CDCA2: variants seen among roughly 807,000 people sequenced by gnomAD.
CDCA2 encodes the protein cell division cycle associated 2, also known as cell division cycle-associated protein 2.
A neutral mutation model predicts 67.0 loss-of-function variants in CDCA2; 44 were observed. The ratio of observed to expected loss-of-function variants is 0.66; its 90% CI spans 0.52 to 0.84. The LOEUF (loss-of-function observed/expected upper bound fraction) is 0.84. Among genes scored for constraint, CDCA2 ranks in the 40% least tolerant of loss-of-function variants. The probability of loss-of-function intolerance (pLI) is 0.00; values close to 1 mark genes in which losing one functional copy is unlikely to be tolerated. For synonymous variants in CDCA2, 447 were observed against 418.7 expected (o/e 1.07, Z -0.82); for missense variants, 1,253 against 1,203.2 (o/e 1.04, Z -0.61).
At chr8:25,473,532 G>A (rs776674622) in intron 7 of CDCA2, among the ~76,000 whole-genome samples, 1 of 152,066 alleles carries the variant, frequency 6.6e-6, no homozygotes, top group African/African-American at 2.4e-5. Context: ...TCCAGGAGAG[G>A]GGCTGCATCT....
At chr8:25,461,054 G>T (rs531581505) in intron 3 of CDCA2, among the ~76,000 whole-genome samples, 156 of 152,150 alleles carry the variant, frequency 1.0e-3, no homozygotes, top group Non-Finnish European at 1.6e-3. Flanking sequence ...GATCACCGGA[G>T]GTCAGGAGTT....
chr8:25,497,842 G>A (rs757484697), intron 13 of CDCA2, among the ~76,000 whole-genome samples: 5 of 152,040 alleles, frequency 3.3e-5, no homozygotes, highest in Non-Finnish European at 5.9e-5. Flanking sequence ...TTATACAATT[G>A]TATTCAAATT....
chr8:25,474,132 C>T (rs1362096231), intron 7 of CDCA2, among the ~76,000 whole-genome samples: 1 of 152,100 alleles, frequency 6.6e-6, no homozygotes, highest in African/African-American at 2.4e-5. Flanking sequence ...CCTTGAATCC[C>T]AGGGATAAAT....
At chr8:25,460,150 A>G in intron 1 of CDCA2, 90 bp from the exon 2 acceptor site, 2 of 1,250,240 alleles carry the variant, frequency 1.6e-6, no homozygotes, top group Non-Finnish European at 2.4e-6. Context: ...TATGGACTGT[A>G]TTACAATTCA....
In CDCA2 at chr8:25,507,706, A is replaced by G. The variant is rs1307235762; in HGVS notation, c.3040A>G (p.Arg1014Gly). The change falls in exon 15 of 15, where the codon AGG (arginine) becomes GGG (glycine). Residue 1014 changes from arginine (R) to glycine (G), a missense_variant. Arg to Gly is a moderately radical substitution (Grantham distance 125). Transcript: ENST00000330560. ...KGESSLTALE[R>G]IEHNGERKQ is the part of the protein sequence containing the mutation. Reference sequence around the variant, plus strand: ...AGAGAGCTCTCTGACTGCCTTGGAAAGGATTGAACATAATGGAGAAAGAAA... The same window carrying G: ...AGAGAGCTCTCTGACTGCCTTGGAAGGGATTGAACATAATGGAGAAAGAAA... The G allele has an allele frequency of 1.1e-5, 18 of 1,612,766 alleles. No individual in the cohort carries two copies. Among genetic ancestry groups the G allele is most frequent in the African/African-American group, 2.7e-5 (2 of 74,832 alleles).
chr8:25,505,306 A>G (rs919628610), intron 14 of CDCA2, among the ~76,000 whole-genome samples: 12 of 152,124 alleles, frequency 7.9e-5, no homozygotes, highest in African/African-American at 2.2e-4. Flanking sequence ...GGTACCAGCA[A>G]TTCTCCTGCT....
At chr8:25,501,624 G>A (rs1250221697) in intron 13 of CDCA2, among the ~76,000 whole-genome samples, 1 of 152,212 alleles carries the variant, frequency 6.6e-6, no homozygotes, top group Non-Finnish European at 1.5e-5. Context: ...GGCCAAAACA[G>A]CCCTTGCTTG....
chr8:25,462,589 A>C (rs1187742695), intron 4 of CDCA2, among the ~76,000 whole-genome samples: 1 of 151,746 alleles, frequency 6.6e-6, no homozygotes, highest in Non-Finnish European at 1.5e-5. Context: ...TCATGCCACT[A>C]TGTTCCAGTC....
In CDCA2 at chr8:25,466,775, G is replaced by C. The variant is rs1178535542; in HGVS notation, c.538+450G>C. On this transcript the variant is annotated intron_variant, in intron 5 of 14. Coordinates refer to ENST00000330560, the MANE Select transcript of CDCA2 (RefSeq NM_152562.4). ...CAAATATATTCAGCCAGGCGCGGTG[G>C]CTCATGCCTGTAATTCCAGCACTTT... is the stretch of plus-strand genomic sequence containing the variant. Among the ~76,000 whole-genome samples, 6 of 152,112 alleles carry C rather than the reference G, an allele frequency of 3.9e-5. No homozygotes were observed. In the East Asian group the frequency reaches 1.2e-3, roughly 29 times the overall value.
At position 25,483,974 on chromosome 8, in the gene CDCA2, G is replaced by C; in HGVS notation, c.1129G>C (p.Glu377Gln). 3.1e-6 allele frequency: 5 copies of C among 1,612,734 alleles called. No homozygotes were observed. The highest frequency in any genetic ancestry group is 4.2e-6 in the Non-Finnish European group (5 of 1,179,224). ...TTATTGTCTAATTATAGAAGATGAAGAAAATTTTGAAGCACCTGCCTTTCT... is the reference window on the plus strand; with the variant it reads ...TTATTGTCTAATTATAGAAGATGAACAAAATTTTGAAGCACCTGCCTTTCT... ...CCKEKEAEDE[E>Q]NFEAPAFLNM... Residue 377 changes from glutamate (E) to glutamine (Q), a missense_variant, in exon 10 of 15, where the codon GAA (glutamate) becomes CAA (glutamine). Transcript: ENST00000330560.
chr8:25,470,003 A>G (rs1279983432), intron 7 of CDCA2, 23 bp downstream of exon 7: 9 of 1,468,708 alleles, frequency 6.1e-6, no homozygotes, highest in Admixed American at 5.1e-5. Context: ...TTCTTAGTAC[A>G]TGGCCAGTTG....
rs771078018 is a variant in CDCA2, at chr8:25,483,428, T to A, written c.1062T>A (p.Asp354Glu). ...ACTGTAACAACCTCTATGATGATGA[T>A]GGGACTCATCCGAGCTTAATCTCAA... Reference protein sequence around the residue: ...QEHCNNLYDDDGTHPSLISNL... With the variant: ...QEHCNNLYDDEGTHPSLISNL... Residue 354 changes from aspartate (D) to glutamate (E), a missense_variant, in exon 9 of 15, where the codon GAT (aspartate) becomes GAA (glutamate). Coordinates refer to ENST00000330560, the MANE Select transcript of CDCA2 (RefSeq NM_152562.4). The A allele has an allele frequency of 3.7e-6, 6 of 1,610,796 alleles. No homozygotes were observed. In the South Asian group the frequency reaches 5.5e-5, roughly 15 times the overall value.
intron 11 of CDCA2, among the ~76,000 whole-genome samples, chr8:25,486,174 T>C (rs2271103): frequency 0.35 from 53,071 of 152,114 alleles, 9,298 homozygotes; most frequent in South Asian, 0.37. Context: ...GTAAGGATCA[T>C]TCTTAAATAT....
chr8:25,483,209 T>C (rs1803635883), intron 8 of CDCA2, among the ~76,000 whole-genome samples, 190 bp from the exon 9 acceptor site: 1 of 152,206 alleles, frequency 6.6e-6, no homozygotes, highest in Non-Finnish European at 1.5e-5. Context: ...AAGTAGTATC[T>C]AGGGGACATA....
intron 3 of CDCA2, among the ~76,000 whole-genome samples, chr8:25,460,981 A>G (rs551455116): frequency 2.9e-4 from 44 of 152,276 alleles, no homozygotes; most frequent in African/African-American, 8.9e-4. Context: ...AACAATCACA[A>G]ACAGGGTTGG....
intron 7 of CDCA2, among the ~76,000 whole-genome samples, chr8:25,479,174 C>T (rs1338768250): frequency 6.6e-6 from 1 of 152,098 alleles, no homozygotes; most frequent in Non-Finnish European, 1.5e-5. Flanking sequence ...GAGCACAGTA[C>T]AGCCAAGCCA....
At chr8:25,505,496 C>G (rs187217117) in intron 14 of CDCA2, among the ~76,000 whole-genome samples, 1 of 152,130 alleles carries the variant, frequency 6.6e-6, no homozygotes, top group African/African-American at 2.4e-5. Flanking sequence ...CCACTGTGCT[C>G]GGCCATAAAT....
intron 13 of CDCA2, among the ~76,000 whole-genome samples, chr8:25,500,887 C>T (rs1488265959): frequency 6.6e-6 from 1 of 152,074 alleles, no homozygotes; most frequent in African/African-American, 2.4e-5. Context: ...GTTGACTTGC[C>T]CAGGGTTATA....
intron 4 of CDCA2, 93 bp from the exon 5 acceptor site, chr8:25,466,082 C>A: frequency 8.6e-7 from 1 of 1,161,134 alleles, no homozygotes; most frequent in Non-Finnish European, 1.2e-6. Flanking sequence ...CATATGTGTA[C>A]TGTATTTAAT....
Sources: allele counts gnomAD v4.1 joint callset (sites outside exome capture counted in the v4.1 genomes callset), GRCh38; gene constraint gnomAD v4.1.1; transcripts MANE v1.5; gene names NCBI Gene and HGNC (gene_info 2026-07-23, HGNC 2026-07-21).